TBCK: variants seen among roughly 807,000 people sequenced by gnomAD.
TBCK encodes TBC domain-containing protein kinase-like protein.
A neutral mutation model predicts 113.4 loss-of-function variants in TBCK; 99 were observed. The observed-to-expected ratio is 0.87, with a 90% CI of 0.74 to 1.03. The LOEUF is 1.03. Among genes scored for constraint, TBCK ranks in the 50% least tolerant of loss-of-function variants. The pLI, the probability that TBCK is intolerant of heterozygous loss-of-function variation, is 0.00. For synonymous variants in TBCK, 369 were observed against 370.8 expected (o/e 1.00, Z 0.05); for missense variants, 1,045 against 1,061.3 (o/e 0.98, Z 0.21).
intron 24 of TBCK, among the ~76,000 whole-genome samples, chr4:106,104,092 T>C (rs1037149717): frequency 3.3e-5 from 5 of 152,202 alleles, no homozygotes; most frequent in Non-Finnish European, 5.9e-5. Flanking sequence ...TGCTCAGGCA[T>C]AGGTGGAGAC....
intron 23 of TBCK, among the ~76,000 whole-genome samples, chr4:106,118,347 T>C (rs1390385420): frequency 2.0e-5 from 3 of 152,344 alleles, no homozygotes; most frequent in African/African-American, 7.2e-5. Flanking sequence ...AAAGCACTTG[T>C]TCTCTTACTT....
chr4:106,303,010 T>C (rs1176931311), intron 2 of TBCK, among the ~76,000 whole-genome samples: 1 of 152,224 alleles, frequency 6.6e-6, no homozygotes, highest in Admixed American at 6.5e-5. Context: ...TACTATTAGA[T>C]ATAGTTACCA....
chr4:106,219,045 T>G (rs371758841), intron 19 of TBCK, among the ~76,000 whole-genome samples: 1 of 142,294 alleles, frequency 7.0e-6, no homozygotes, highest in African/African-American at 2.5e-5. Context: ...CAGCCATAAA[T>G]AATGATGAGT....
At chr4:106,277,661 T>G (rs1245339485) in intron 3 of TBCK, among the ~76,000 whole-genome samples, 1 of 152,112 alleles carries the variant, frequency 6.6e-6, no homozygotes, top group East Asian at 1.9e-4. Context: ...GATTAAAAAA[T>G]CAGAAAAGTA....
chr4:106,293,458 T>C lies in TBCK; in HGVS notation c.266+1636A>G, dbSNP rs113685560. ...TGAGTTATATAATTACTTCATTATA[T>C]ATTACAATATAATAAAAATAGAAAT... On this transcript the variant is annotated intron_variant, in intron 3 of 25. Coordinates refer to ENST00000394708, the MANE Select transcript of TBCK (RefSeq NM_001163435.3). 2.5e-3 allele frequency among the ~76,000 whole-genome samples: 381 copies of C among 152,310 alleles called. 2 individuals carry two copies. Among genetic ancestry groups the C allele is most frequent in the African/African-American group, 8.7e-3 (360 of 41,558 alleles).
rs79018134 is a variant in TBCK, at chr4:106,116,113, T to G, written c.2411+90A>C. On this transcript the variant is annotated intron_variant, in intron 24 of 25. Transcript: ENST00000394708. The stretch of plus-strand genomic sequence containing the variant: ...ACTTGAATTCAGAAGAATCCCAGAA[T>G]TTTTTTTTTTTAACCACACAACACT... The G allele has an allele frequency of 6.0e-6, 3 of 498,210 alleles. No individual in the cohort carries two copies. In the South Asian group the frequency reaches 1.5e-4, roughly 26 times the overall value. 30.9% of individuals were successfully genotyped at this position (498,210 alleles called of 1,614,324 possible).
intron 21 of TBCK, among the ~76,000 whole-genome samples, 195 bp from the exon 22 acceptor site, chr4:106,193,965 T>G (rs1270376010): frequency 6.6e-6 from 1 of 152,102 alleles, no homozygotes; most frequent in African/African-American, 2.4e-5. Context: ...TCTTAAAAAA[T>G]TGATAATCAA....
At chr4:106,212,665 A>T in intron 20 of TBCK, 85 bp downstream of exon 20, 1 of 999,812 alleles carries the variant, frequency 1.0e-6, no homozygotes, top group South Asian at 1.7e-5. Flanking sequence ...ATGACAACAA[A>T]AATTAAGAAA....
At chr4:106,233,527 T>C (rs1475008804) in intron 16 of TBCK, 61 bp downstream of exon 16, 1 of 1,352,218 alleles carries the variant, frequency 7.4e-7, no homozygotes, top group Non-Finnish European at 1.1e-6. Flanking sequence ...TCATGCTCCT[T>C]CCTAAAATTT....
intron 5 of TBCK, among the ~76,000 whole-genome samples, chr4:106,257,426 T>C (rs1762110141): frequency 6.6e-6 from 1 of 152,180 alleles, no homozygotes; most frequent in East Asian, 1.9e-4. Context: ...TCCTACCTTT[T>C]CTACAGCTAC....
At chr4:106,260,994 C>T (rs1437833031) in intron 4 of TBCK, among the ~76,000 whole-genome samples, 1 of 151,938 alleles carries the variant, frequency 6.6e-6, no homozygotes, top group Non-Finnish European at 1.5e-5. Context: ...TTTGGTGAAT[C>T]TGCTAGATTT....
At chr4:106,192,122 T>A (rs1579189937) in intron 22 of TBCK, among the ~76,000 whole-genome samples, 1 of 152,118 alleles carries the variant, frequency 6.6e-6, no homozygotes, top group Non-Finnish European at 1.5e-5. Flanking sequence ...CAGTCGACCA[T>A]AAAATACACA....
intron 3 of TBCK, among the ~76,000 whole-genome samples, chr4:106,271,022 A>G (rs936663974): frequency 1.3e-5 from 2 of 152,224 alleles, no homozygotes; most frequent in Admixed American, 6.5e-5. Flanking sequence ...AGGCAGACAA[A>G]GCAAAATAAT....
intron 19 of TBCK, among the ~76,000 whole-genome samples, chr4:106,225,795 G>A (rs182442416): frequency 1.3e-5 from 2 of 151,798 alleles, no homozygotes; most frequent in East Asian, 3.9e-4. Flanking sequence ...AATTCATGTT[G>A]TGTACACTAC....
intron 25 of TBCK, among the ~76,000 whole-genome samples, chr4:106,071,671 T>C (rs1244190715): frequency 2.6e-5 from 4 of 152,178 alleles, no homozygotes; most frequent in Non-Finnish European, 2.9e-5. Context: ...TTCTGTCTTG[T>C]TGATCTGTCT....
At chr4:106,080,703 C>T (rs908359209) in intron 25 of TBCK, among the ~76,000 whole-genome samples, 1 of 152,102 alleles carries the variant, frequency 6.6e-6, no homozygotes, top group South Asian at 2.1e-4. Flanking sequence ...TTCTGCACAA[C>T]CAAATATTTA....
At chr4:106,249,756 T>A (rs1043780856) in intron 7 of TBCK, among the ~76,000 whole-genome samples, 1 of 152,146 alleles carries the variant, frequency 6.6e-6, no homozygotes, top group Non-Finnish European at 1.5e-5. Context: ...GTAAAACTTT[T>A]GCAAATTTAT....
intron 25 of TBCK, among the ~76,000 whole-genome samples, chr4:106,065,642 G>A (rs560755720): frequency 6.6e-6 from 1 of 152,006 alleles, no homozygotes; most frequent in African/African-American, 2.4e-5. Context: ...CAGAGATCTA[G>A]GACTCCACTT....
chr4:106,308,231 C>T (rs969324380), intron 2 of TBCK, among the ~76,000 whole-genome samples: 7 of 152,120 alleles, frequency 4.6e-5, no homozygotes, highest in Non-Finnish European at 8.8e-5. Context: ...TTATTGAGTG[C>T]TCTGAGGTCA....
Sources: gnomAD v4.1 joint callset for allele counts (sites outside exome capture counted in the v4.1 genomes callset) on GRCh38, gnomAD v4.1.1 for gene constraint, MANE v1.5 for transcripts, NCBI Gene and HGNC (gene_info 2026-07-23, HGNC 2026-07-21) for gene names.